ROCK1: variants seen among roughly 807,000 people sequenced by gnomAD.
ROCK1 encodes rho-associated protein kinase 1.
ROCK1 carries 36 observed loss-of-function variants against 196.8 expected under a neutral mutation model. The ratio of observed to expected loss-of-function variants is 0.18; its 90% CI spans 0.14 to 0.24. The LOEUF is 0.24. Among genes scored for constraint, ROCK1 ranks in the 10% least tolerant of loss-of-function variants. The pLI is 1.00. For missense variants in ROCK1, 920 were observed against 1,562.0 expected, an observed-to-expected ratio of 0.59 and a Z score of 6.93; for synonymous variants, 443 against 515.9, an observed-to-expected ratio of 0.86 and a Z score of 1.91.
At chr18:20,971,143 C>G (rs1310951185) in intron 22 of ROCK1, among the ~76,000 whole-genome samples, 1 of 152,052 alleles carries the variant, frequency 6.6e-6, no homozygotes, top group Non-Finnish European at 1.5e-5. Flanking sequence ...TCTCAAAGAG[C>G]CTCTCTTGGA....
chr18:20,961,451 C>T (rs1478791213), intron 27 of ROCK1, among the ~76,000 whole-genome samples: 2 of 151,934 alleles, frequency 1.3e-5, no homozygotes, highest in East Asian at 1.9e-4. Context: ...TATTATATTC[C>T]GAGGAATTCG....
intron 1 of ROCK1, among the ~76,000 whole-genome samples, chr18:21,102,936 A>G (rs1157965411): frequency 6.6e-6 from 1 of 152,132 alleles, no homozygotes; most frequent in Non-Finnish European, 1.5e-5. Context: ...ATCTGGTATC[A>G]GAAGTATGGA....
intron 16 of ROCK1, among the ~76,000 whole-genome samples, chr18:21,001,116 C>T (rs2035720214): frequency 6.6e-6 from 1 of 152,114 alleles, no homozygotes; most frequent in African/African-American, 2.4e-5. Context: ...GAACTACTGA[C>T]ACATGCTACA....
chr18:21,045,797 A>G (rs2036150582), intron 4 of ROCK1, among the ~76,000 whole-genome samples: 1 of 148,208 alleles, frequency 6.7e-6, no homozygotes. Flanking sequence ...GAAATACTGT[A>G]TTTCTAATTT....
At chr18:21,073,242 G>A (rs2036402646) in intron 1 of ROCK1, among the ~76,000 whole-genome samples, 1 of 152,102 alleles carries the variant, frequency 6.6e-6, no homozygotes, top group South Asian at 2.1e-4. Flanking sequence ...AGTTACATAA[G>A]AGAAGTATTT....
chr18:21,029,248 A>C (rs2035986244), intron 9 of ROCK1, among the ~76,000 whole-genome samples: 1 of 152,198 alleles, frequency 6.6e-6, no homozygotes, highest in Admixed American at 6.5e-5. Flanking sequence ...AAAATACACA[A>C]AAGCATTCGG....
intron 16 of ROCK1, among the ~76,000 whole-genome samples, chr18:20,998,237 T>C (rs1358399747): frequency 2.0e-5 from 3 of 152,072 alleles, no homozygotes; most frequent in Non-Finnish European, 4.4e-5. Flanking sequence ...AAAATTAAAA[T>C]ATTTCCTGAA....
At chr18:20,976,362 C>T (rs1351890292) in intron 22 of ROCK1, among the ~76,000 whole-genome samples, 1 of 152,148 alleles carries the variant, frequency 6.6e-6, no homozygotes, top group African/African-American at 2.4e-5. Flanking sequence ...AGAAAATTGT[C>T]TGGAGGGATC....
intron 13 of ROCK1, among the ~76,000 whole-genome samples, chr18:21,011,128 T>C (rs539435299): frequency 1.3e-5 from 2 of 152,324 alleles, no homozygotes; most frequent in East Asian, 3.9e-4. Flanking sequence ...CCCTACCACC[T>C]CTTTTGATTG....
At chr18:20,963,739 T>G (rs2035347999) in intron 27 of ROCK1, among the ~76,000 whole-genome samples, 1 of 152,156 alleles carries the variant, frequency 6.6e-6, no homozygotes, top group African/African-American at 2.4e-5. Context: ...AAGAAACAGT[T>G]ATCACATTAA....
chr18:20,962,473 A>G (rs890706328), intron 27 of ROCK1, among the ~76,000 whole-genome samples: 28 of 152,214 alleles, frequency 1.8e-4, no homozygotes, highest in African/African-American at 2.4e-5. Flanking sequence ...AAAATACCCT[A>G]TACTTTCACA....
intron 11 of ROCK1, among the ~76,000 whole-genome samples, chr18:21,022,951 C>A (rs542287685): frequency 1.9e-4 from 29 of 151,916 alleles, no homozygotes; most frequent in Admixed American, 1.7e-3. Flanking sequence ...CATGGATGAA[C>A]CTTGAAGACA....
At chr18:21,059,338 A>G (rs2143533087) in intron 2 of ROCK1, among the ~76,000 whole-genome samples, 1 of 152,288 alleles carries the variant, frequency 6.6e-6, no homozygotes, top group South Asian at 2.1e-4. Flanking sequence ...TTCCCTCTCA[A>G]GCACAAGGTA....
intron 16 of ROCK1, among the ~76,000 whole-genome samples, chr18:20,998,597 CTTTTTTTTTTT>C (rs541265477): frequency 2.9e-4 from 28 of 97,326 alleles, no homozygotes; most frequent in Admixed American, 2.8e-3. Flanking sequence ...TTTTACCAAA[CTTTTTTTTTTT>C]TTTTTTTTTT....
intron 22 of ROCK1, 49 bp downstream of exon 22, chr18:20,979,861 G>C: frequency 6.7e-7 from 1 of 1,492,848 alleles, no homozygotes; most frequent in Non-Finnish European, 8.9e-7. Flanking sequence ...TAAAACTTAA[G>C]AATGCCTGTT....
intron 1 of ROCK1, among the ~76,000 whole-genome samples, chr18:21,108,705 T>G (rs1453644809): frequency 6.6e-6 from 1 of 152,178 alleles, no homozygotes; most frequent in East Asian, 1.9e-4. Flanking sequence ...ATGCCCCAAT[T>G]TTGGGCTTCA....
intron 18 of ROCK1, among the ~76,000 whole-genome samples, chr18:20,988,224 C>T (rs1474983114): frequency 6.6e-6 from 1 of 152,058 alleles, no homozygotes; most frequent in Non-Finnish European, 1.5e-5. Flanking sequence ...CACCACTACA[C>T]GCAGCTAATT....
chr18:20,978,982 G>A (rs2035505442), intron 22 of ROCK1, among the ~76,000 whole-genome samples: 1 of 152,214 alleles, frequency 6.6e-6, no homozygotes, highest in Non-Finnish European at 1.5e-5. Flanking sequence ...TGGAAAACTA[G>A]TTCTAGTGTC....
chr18:21,033,587 G>A (rs1251405392), intron 9 of ROCK1, among the ~76,000 whole-genome samples: 3 of 151,758 alleles, frequency 2.0e-5, no homozygotes, highest in Admixed American at 1.3e-4. Context: ...AACCCTAAAG[G>A]AGCTACAAAA....
Sources: allele counts gnomAD v4.1 joint callset (sites outside exome capture counted in the v4.1 genomes callset), GRCh38; gene constraint gnomAD v4.1.1; transcripts MANE v1.5; gene names NCBI Gene and HGNC (gene_info 2026-07-23, HGNC 2026-07-21).